GABRA3: variants seen among roughly 807,000 people sequenced by gnomAD.
GABRA3 encodes the protein gamma-aminobutyric acid receptor subunit alpha-3.
GABRA3 carries 10 observed loss-of-function variants against 30.1 expected under a neutral mutation model. The observed-to-expected ratio is 0.33, with a 90% confidence interval of 0.20 to 0.56. The LOEUF (loss-of-function observed/expected upper bound fraction) is 0.56. GABRA3 is among the 20% of genes least tolerant of loss of function. The pLI, the probability that GABRA3 is intolerant of heterozygous loss-of-function variation, is 0.89. For missense variants in GABRA3, 233 were observed against 392.0 expected (o/e 0.59, Z 3.42); for synonymous variants, 151 against 146.8 (o/e 1.03, Z -0.21).
chrX:152,370,883 T>C (rs1260227057), intron 1 of GABRA3, among the ~76,000 whole-genome samples: 5 of 111,350 alleles, frequency 4.5e-5, no homozygotes, highest in Non-Finnish European at 9.4e-5. Flanking sequence ...GGATTTCTAA[T>C]CTACTGATCT....
intron 1 of GABRA3, among the ~76,000 whole-genome samples, chrX:152,405,953 A>G (rs2124526035): frequency 9.0e-6 from 1 of 111,463 alleles, no homozygotes; most frequent in East Asian, 2.9e-4. Flanking sequence ...CAGATAGCCC[A>G]TCATGGAGAG....
intron 6 of GABRA3, among the ~76,000 whole-genome samples, chrX:152,221,058 A>C (rs1937826695): frequency 9.3e-6 from 1 of 107,642 alleles, no homozygotes. Flanking sequence ...GCTTCTACTC[A>C]CTCTCTTAAT....
intron 6 of GABRA3, among the ~76,000 whole-genome samples, chrX:152,214,999 C>T (rs1173988161): frequency 1.9e-5 from 2 of 105,538 alleles, no homozygotes; most frequent in East Asian, 2.9e-4. Context: ...CACACACACA[C>T]ATATATATAT....
intron 4 of GABRA3, among the ~76,000 whole-genome samples, chrX:152,262,966 T>C (rs1467159089): frequency 9.0e-6 from 1 of 111,608 alleles, no homozygotes; most frequent in Non-Finnish European, 1.9e-5. Context: ...TGGGGGGGCC[T>C]CAGGAAATTT....
chrX:152,345,878 GCAGA>G (rs1292513903), intron 2 of GABRA3, among the ~76,000 whole-genome samples, 176 bp from the exon 3 acceptor site: 4 of 111,545 alleles, frequency 3.6e-5, no homozygotes, highest in Non-Finnish European at 7.5e-5. Context: ...TGTGTAGGAG[GCAGA>G]CAGTGTGGTT....
At chrX:152,262,070 T>C (rs1938740166) in intron 4 of GABRA3, among the ~76,000 whole-genome samples, 1 of 112,415 alleles carries the variant, frequency 8.9e-6, no homozygotes, top group Non-Finnish European at 1.9e-5. Context: ...TCTGAAGCCA[T>C]GGCCTGAGCT....
intron 1 of GABRA3, among the ~76,000 whole-genome samples, chrX:152,396,682 G>A (rs1369656737): frequency 1.8e-5 from 2 of 112,125 alleles, no homozygotes; most frequent in African/African-American, 3.2e-5. Flanking sequence ...GTTAAACAAT[G>A]CAACATGCCA....
chrX:152,345,733 A>T (rs1320656557), intron 2 of GABRA3, 31 bp from the exon 3 acceptor site: 1 of 1,097,294 alleles, frequency 9.1e-7, no homozygotes, highest in Non-Finnish European at 1.2e-6. Flanking sequence ...GAAAAAAAAT[A>T]ATAGTTCTTA....
At chrX:152,377,488 C>A (rs901739009) in intron 1 of GABRA3, among the ~76,000 whole-genome samples, 1 of 110,771 alleles carries the variant, frequency 9.0e-6, no homozygotes, top group Non-Finnish European at 1.9e-5. Context: ...CTAAATAACA[C>A]CATCTCAAGA....
chrX:152,248,425 A>C (rs1490493525), intron 5 of GABRA3, among the ~76,000 whole-genome samples: 1 of 111,612 alleles, frequency 9.0e-6, no homozygotes, highest in East Asian at 2.8e-4. Context: ...AATACAAATA[A>C]GCACAGTGGT....
At chrX:152,370,999 T>C (rs999279320) in intron 1 of GABRA3, among the ~76,000 whole-genome samples, 2 of 110,764 alleles carry the variant, frequency 1.8e-5, no homozygotes, top group African/African-American at 6.6e-5. Flanking sequence ...AATCATTGTC[T>C]GGTATACACC....
At chrX:152,278,432 C>T (rs912808566) in intron 4 of GABRA3, among the ~76,000 whole-genome samples, 1 of 110,990 alleles carries the variant, frequency 9.0e-6, no homozygotes, top group Non-Finnish European at 1.9e-5. Flanking sequence ...CTACAAAGGA[C>T]ATGAACTCAT....
chrX:152,311,469 T>C (rs927090514), intron 3 of GABRA3, among the ~76,000 whole-genome samples: 3 of 112,257 alleles, frequency 2.7e-5, no homozygotes, highest in Admixed American at 9.4e-5. Context: ...ATCATCCCAA[T>C]AGGCACAAAA....
intron 1 of GABRA3, among the ~76,000 whole-genome samples, 153 bp from the exon 2 acceptor site, chrX:152,364,749 T>G (rs1928607918): frequency 9.0e-6 from 1 of 111,385 alleles, no homozygotes; most frequent in Admixed American, 9.6e-5. Flanking sequence ...AGTGCTTAAT[T>G]CAACAGTCCC....
chrX:152,373,992 GTGTA>G (rs1487109070), intron 1 of GABRA3, among the ~76,000 whole-genome samples: 4 of 111,486 alleles, frequency 3.6e-5, no homozygotes, highest in African/African-American at 1.3e-4. Context: ...ATTCCATGGT[GTGTA>G]TGTGCCACAT....
intron 1 of GABRA3, among the ~76,000 whole-genome samples, chrX:152,373,695 G>A (rs1603250022): frequency 9.0e-6 from 1 of 110,920 alleles, no homozygotes; most frequent in Middle Eastern, 4.7e-3. Context: ...TGTTACATAT[G>A]TATACATGTG....
intron 8 of GABRA3, among the ~76,000 whole-genome samples, chrX:152,194,880 C>T (rs979944690): frequency 3.3e-4 from 37 of 111,011 alleles, no homozygotes; most frequent in African/African-American, 1.1e-3. Flanking sequence ...TCACCTCAGC[C>T]TCCCAAGTAT....
At chrX:152,237,943 G>A (rs1261817995) in intron 5 of GABRA3, among the ~76,000 whole-genome samples, 1 of 110,779 alleles carries the variant, frequency 9.0e-6, no homozygotes, top group Non-Finnish European at 1.9e-5. Flanking sequence ...TGCAAACAGG[G>A]ACAATTTGAC....
rs544136240 is a variant in GABRA3 at position 152,303,491 on chromosome X, C to T, written c.263-18756G>A. Among the ~76,000 whole-genome samples the T allele has an allele frequency of 9.0e-5, 10 of 111,667 alleles. No individual in the cohort carries two copies. The South Asian group carries it at 3.7e-3, about 42-fold the overall frequency. ...TATACCCAAAGGATTATAAATCATT[C>T]TATTATAAAGACACATGCACACAGA... On this transcript the variant is annotated intron_variant, in intron 3 of 9. Transcript: ENST00000370314.
Sources: allele counts gnomAD v4.1 joint callset (sites outside exome capture counted in the v4.1 genomes callset), GRCh38; gene constraint gnomAD v4.1.1; transcripts MANE v1.5; gene names NCBI Gene and HGNC (gene_info 2026-07-23, HGNC 2026-07-21).